Variants in FANCC observed in about 807,000 individuals in gnomAD.
FANCC encodes the protein FA complementation group C, also known as Fanconi anemia group C protein.
A neutral mutation model predicts 71.3 loss-of-function variants in FANCC; 55 were observed. The observed-to-expected ratio is 0.77, with a 90% CI of 0.62 to 0.97. The LOEUF is 0.97. Among genes scored for constraint, FANCC ranks in the 50% least tolerant of loss-of-function variants. FANCC has a pLI of 0.00. For synonymous variants in FANCC, 275 were observed against 244.9 expected, an observed-to-expected ratio of 1.12 and a Z score of -1.15; for missense variants, 678 against 670.9, an observed-to-expected ratio of 1.01 and a Z score of -0.12.
intron 13 of FANCC, 44 bp downstream of exon 13, chr9:95,111,419 C>CAAA: frequency 6.2e-7 from 1 of 1,601,478 alleles, no homozygotes; most frequent in Non-Finnish European, 8.5e-7. Context: ...CTCTCAGCCC[C>CAAA]CCAGAGCCCA....
In FANCC at chr9:95,301,091, G is replaced by A. The variant is rs58206342; in HGVS notation, c.-79+16435C>T. Among the ~76,000 whole-genome samples, 545 of 151,346 alleles carry A rather than the reference G, an allele frequency of 3.6e-3. 30 individuals carry two copies. In the East Asian group the frequency reaches 0.09, roughly 25 times the overall value. On this transcript the variant is annotated intron_variant, in intron 1 of 14. Transcript: ENST00000289081. ...TGTTCCTCGCTTGCAATTATTTCTC[G>A]GTTAAGACCACACAAAGAAAAAAAG... is the stretch of plus-strand genomic sequence containing the variant.
rs568885093 is a variant in FANCC at position 95,265,384 on chromosome 9, G to A, written c.-78-16015C>T. 2.0e-4 allele frequency among the ~76,000 whole-genome samples: 31 copies of A among 152,248 alleles called. 1 individual carries two copies. The highest frequency in any genetic ancestry group is 5.2e-4 in the Admixed American group (8 of 15,292). ...CCAAGACCTCAGCAATGGGGGGAGA[G>A]GAGCTATTCTCTGGACTTGGCTTCA... On this transcript the variant is annotated intron_variant, in intron 1 of 14. Transcript: ENST00000289081.
In FANCC at chr9:95,156,385, G is replaced by A. The variant is rs114658967; in HGVS notation, c.522-6298C>T. ...GTGCTCCCTGTAAACCAACACATCC[G>A]ATACATTCCTAATTTGCTCTACTGA... On this transcript the variant is annotated intron_variant, in intron 6 of 14. Coordinates refer to ENST00000289081, the MANE Select transcript of FANCC (RefSeq NM_000136.3). Among the ~76,000 whole-genome samples the A allele has an allele frequency of 1.8e-4, 28 of 152,232 alleles. No individual in the cohort carries two copies. The East Asian group carries it at 4.8e-3, about 26-fold the overall frequency.
At chr9:95,125,009 A>T (rs1238145653) in intron 10 of FANCC, 77 bp downstream of exon 10, 3 of 1,237,450 alleles carry the variant, frequency 2.4e-6, no homozygotes, top group Non-Finnish European at 2.4e-6. Flanking sequence ...ATTGAAAATA[A>T]AGTGCTCTTG....
At chr9:95,131,743 A>C (rs1371016268) in intron 8 of FANCC, among the ~76,000 whole-genome samples, 4 of 152,184 alleles carry the variant, frequency 2.6e-5, no homozygotes, top group East Asian at 3.9e-4. Flanking sequence ...TGTTAGTGAA[A>C]AGCTACTTAA....
intron 1 of FANCC, among the ~76,000 whole-genome samples, chr9:95,261,975 T>C (rs1832079887): frequency 6.6e-6 from 1 of 152,156 alleles, no homozygotes; most frequent in African/African-American, 2.4e-5. Context: ...AAGGAACCAG[T>C]TCACAATGGC....
chr9:95,282,293 T>C (rs546872487), intron 1 of FANCC, among the ~76,000 whole-genome samples: 1 of 152,212 alleles, frequency 6.6e-6, no homozygotes, highest in East Asian at 1.9e-4. Context: ...AAGTCATCTG[T>C]AAATAGAGAC....
At position 95,172,105 on chromosome 9, in the gene FANCC, C is replaced by T; in HGVS notation, c.388G>A (p.Glu130Lys). The T allele has an allele frequency of 6.2e-7, 1 of 1,613,240 alleles. No homozygotes were observed. Among genetic ancestry groups the T allele is most frequent in the Non-Finnish European group, 8.5e-7 (1 of 1,179,310 alleles). The change falls in exon 5 of 15, where the codon GAA becomes AAA. Residue 130 changes from glutamate to lysine, a missense_variant. Transcript: ENST00000289081. Reference sequence around the variant, plus strand: ...AGACCTTGAGTGAAAAGAGCAACTTCTTTATCAAATCTGAGTGCTGAAAGT... The same window carrying T: ...AGACCTTGAGTGAAAAGAGCAACTTTTTTATCAAATCTGAGTGCTGAAAGT... ...HILSALRFDK[E>K]VALFTQGLGY...
intron 1 of FANCC, among the ~76,000 whole-genome samples, chr9:95,250,948 C>T (rs1831293348): frequency 1.3e-5 from 2 of 152,214 alleles, no homozygotes; most frequent in Admixed American, 1.3e-4. Flanking sequence ...GTAGATACTC[C>T]CAGCTGCTTG....
intron 4 of FANCC, among the ~76,000 whole-genome samples, chr9:95,232,546 GAATA>G (rs1466698464): frequency 6.6e-6 from 1 of 152,146 alleles, no homozygotes; most frequent in East Asian, 1.9e-4. Flanking sequence ...TAACATCCTT[GAATA>G]AATAAGATTT....
In FANCC at chr9:95,221,537, G is replaced by T. The variant is rs147220824; in HGVS notation, c.345+19112C>A. Among the ~76,000 whole-genome samples, 1,340 of 151,956 alleles carry T rather than the reference G, an allele frequency of 8.8e-3. 22 individuals carry two copies. Among genetic ancestry groups the T allele is most frequent in the African/African-American group, 0.031 (1,275 of 41,418 alleles). The stretch of plus-strand genomic sequence containing the variant: ...AATCAGGAAAATTTTTAAATTTAAA[G>T]TAAAAATTTAAAACATATGCACTTT... On this transcript the variant is annotated intron_variant, in intron 4 of 14. Transcript: ENST00000289081.
intron 1 of FANCC, among the ~76,000 whole-genome samples, chr9:95,303,342 G>A (rs979066763): frequency 1.3e-5 from 2 of 152,214 alleles, no homozygotes; most frequent in African/African-American, 4.8e-5. Flanking sequence ...GCAGATGAGT[G>A]AGCTAAGTTC....
At chr9:95,134,092 T>A (rs1227266710) in intron 8 of FANCC, among the ~76,000 whole-genome samples, 1 of 152,150 alleles carries the variant, frequency 6.6e-6, no homozygotes, top group Non-Finnish European at 1.5e-5. Flanking sequence ...GTGTGCAGCC[T>A]GAGGTACAGG....
At chr9:95,101,916 G>A (rs2071094505) in intron 14 of FANCC, 66 bp from the exon 15 acceptor site, 1 of 1,594,862 alleles carries the variant, frequency 6.3e-7, no homozygotes, top group African/African-American at 1.3e-5. Flanking sequence ...CTTTGTCCAG[G>A]GACGGACCAT....
chr9:95,274,063 T>G (rs907490793), intron 1 of FANCC, among the ~76,000 whole-genome samples: 1 of 152,210 alleles, frequency 6.6e-6, no homozygotes. Context: ...CTGAGATACA[T>G]GTGCAGAACG....
intron 4 of FANCC, among the ~76,000 whole-genome samples, chr9:95,191,044 T>A (rs1827062803): frequency 6.6e-6 from 1 of 152,118 alleles, no homozygotes; most frequent in Admixed American, 6.5e-5. Flanking sequence ...TGAGGTCTTC[T>A]GTCATGAAGG....
At chr9:95,141,734 C>T (rs1287610820) in intron 7 of FANCC, among the ~76,000 whole-genome samples, 1 of 152,076 alleles carries the variant, frequency 6.6e-6, no homozygotes, top group Non-Finnish European at 1.5e-5. Flanking sequence ...GAGTAAACTA[C>T]TAATACATAA....
chr9:95,279,360 C>T (rs926283357), intron 1 of FANCC, among the ~76,000 whole-genome samples: 1 of 149,598 alleles, frequency 6.7e-6, no homozygotes, highest in African/African-American at 2.5e-5. Context: ...GAAAAATTAG[C>T]CAGGTGTGGT....
chr9:95,117,373 C>T lies in FANCC; in HGVS notation c.1014G>A (p.Lys338=), dbSNP rs780776360. 41 of 1,613,976 alleles carry T rather than the reference C, an allele frequency of 2.5e-5. No individual in the cohort carries two copies. Among genetic ancestry groups the T allele is most frequent in the Non-Finnish European group, 3.4e-5 (40 of 1,179,990 alleles). The change falls in exon 11 of 15, where the codon AAG becomes AAA. Residue 338 remains lysine (K), a synonymous_variant. Coordinates refer to ENST00000289081, the MANE Select transcript of FANCC (RefSeq NM_000136.3). The part of the protein sequence containing the change: ...KASKQLRFAL[K]TYFPYTSPSL... The stretch of plus-strand genomic sequence containing the variant: ...ATGGAGAAGTGTAAGGAAAGTAGGT[C>T]TTGAGTGCAAACCGCAGCTGCCACA...
Sources: allele counts gnomAD v4.1 joint callset (sites outside exome capture counted in the v4.1 genomes callset), GRCh38; gene constraint gnomAD v4.1.1; transcripts MANE v1.5; gene names NCBI Gene and HGNC (gene_info 2026-07-23, HGNC 2026-07-21).